APBB2: variants seen among roughly 807,000 people sequenced by gnomAD.
APBB2 encodes the protein amyloid beta precursor protein binding family B member 2, also known as Fe65-like 1.
In APBB2, 38 loss-of-function variants were observed where a neutral mutation model predicts 82.5. That is an observed-to-expected ratio of 0.46 (90% confidence interval 0.36 to 0.60). APBB2 has a LOEUF of 0.60. Among genes scored for constraint, APBB2 ranks in the 20% least tolerant of loss-of-function variants. The pLI, the probability that APBB2 is intolerant of heterozygous loss-of-function variation, is 0.00. For synonymous variants in APBB2, 341 were observed against 368.2 expected (o/e 0.93, Z 0.85); for missense variants, 772 against 972.3 (o/e 0.79, Z 2.74).
At chr4:40,992,485 C>A (rs1291193759) in intron 6 of APBB2, among the ~76,000 whole-genome samples, 2 of 152,020 alleles carry the variant, frequency 1.3e-5, no homozygotes, top group Admixed American at 6.6e-5. Flanking sequence ...ATTGACACAG[C>A]TTTTTAGTTC....
At position 40,993,952 on chromosome 4, in the gene APBB2, G is replaced by A. The variant is rs143808096; in HGVS notation, c.835+19631C>T. Among the ~76,000 whole-genome samples the A allele has an allele frequency of 2.7e-3, 410 of 152,140 alleles. 1 individual carries two copies. The highest frequency in any genetic ancestry group is 9.0e-3 in the African/African-American group (372 of 41,496). On this transcript the variant is annotated intron_variant, in intron 6 of 17. Coordinates refer to ENST00000508593, the MANE Select transcript of APBB2 (RefSeq NM_004307.2). ...CCTGAGACCCACTACCTGCGTCTGA[G>A]TCTGTAAGGCACAGGTAGGGCCCAG...
intron 10 of APBB2, among the ~76,000 whole-genome samples, chr4:40,923,811 G>A (rs181034452): frequency 1.3e-5 from 2 of 152,330 alleles, no homozygotes; most frequent in East Asian, 3.9e-4. Context: ...CTCACACACG[G>A]CTGCCAATTC....
rs942652354 is a variant in APBB2, at chr4:41,070,526, TC to T, written c.-148-4854del. Among the ~76,000 whole-genome samples, 14 of 152,284 alleles carry T rather than the reference TC, an allele frequency of 9.2e-5. No individual in the cohort carries two copies. In the East Asian group the frequency reaches 1.4e-3, roughly 15 times the overall value. ...CACATTGGCCAGGTTGGTCTTGAGCTCCTGACCTCAAGCGATCCACCCGCCT... is the reference window on the plus strand; with the variant it reads ...CACATTGGCCAGGTTGGTCTTGAGCTCTGACCTCAAGCGATCCACCCGCCT... On this transcript the variant is annotated intron_variant, in intron 3 of 17. Coordinates refer to ENST00000508593, the MANE Select transcript of APBB2 (RefSeq NM_004307.2).
chr4:40,984,809 G>A (rs1799980746), intron 6 of APBB2, among the ~76,000 whole-genome samples: 1 of 152,162 alleles, frequency 6.6e-6, no homozygotes, highest in Non-Finnish European at 1.5e-5. Flanking sequence ...GTTGTGGGGA[G>A]TACATGAAAT....
intron 1 of APBB2, among the ~76,000 whole-genome samples, chr4:41,179,366 T>TA (rs1770716384): frequency 1.3e-5 from 2 of 152,168 alleles, no homozygotes; most frequent in South Asian, 4.1e-4. Flanking sequence ...AACATATATA[T>TA]CAATTTAAAA....
intron 12 of APBB2, among the ~76,000 whole-genome samples, chr4:40,834,072 G>A (rs1241171539): frequency 1.3e-5 from 2 of 152,004 alleles, no homozygotes; most frequent in Non-Finnish European, 2.9e-5. Context: ...TCCCCAGGGA[G>A]AAACTCAGCA....
intron 10 of APBB2, among the ~76,000 whole-genome samples, chr4:40,926,251 A>G (rs1008266211): frequency 1.3e-5 from 2 of 152,192 alleles, no homozygotes; most frequent in African/African-American, 4.8e-5. Flanking sequence ...ACAGAAATGC[A>G]ATTTCATGTC....
chr4:41,000,010 A>G (rs1804691351), intron 6 of APBB2, among the ~76,000 whole-genome samples: 1 of 142,070 alleles, frequency 7.0e-6, no homozygotes, highest in Admixed American at 7.0e-5. Context: ...AAAACCCCGT[A>G]TTTACAAAAA....
At chr4:41,148,323 T>A (rs1761347066) in intron 1 of APBB2, among the ~76,000 whole-genome samples, 1 of 152,242 alleles carries the variant, frequency 6.6e-6, no homozygotes, top group African/African-American at 2.4e-5. Flanking sequence ...ATTTAGAGGT[T>A]GTGGTTCCAG....
chr4:41,000,210 C>A (rs1462030931), intron 6 of APBB2, among the ~76,000 whole-genome samples: 1 of 151,282 alleles, frequency 6.6e-6, no homozygotes, highest in Non-Finnish European at 1.5e-5. Context: ...TGCAGTGAAC[C>A]GTGATTACGC....
chr4:41,006,284 C>A (rs1005962479), intron 6 of APBB2, among the ~76,000 whole-genome samples: 3 of 152,138 alleles, frequency 2.0e-5, no homozygotes, highest in African/African-American at 7.2e-5. Context: ...CATGCCTAAA[C>A]TATTTTGGAA....
intron 3 of APBB2, among the ~76,000 whole-genome samples, chr4:41,090,084 C>T (rs1741175526): frequency 6.6e-6 from 1 of 152,114 alleles, no homozygotes; most frequent in Non-Finnish European, 1.5e-5. Flanking sequence ...ATATGAATAT[C>T]TCCTTTGATT....
At chr4:40,866,629 T>C (rs1578077414) in intron 12 of APBB2, among the ~76,000 whole-genome samples, 1 of 152,218 alleles carries the variant, frequency 6.6e-6, no homozygotes, top group East Asian at 1.9e-4. Context: ...AAAAACATCA[T>C]ATATGGTTGC....
At position 41,014,272 on chromosome 4, in the gene APBB2, A is replaced by C; in HGVS notation, c.146T>G (p.Leu49Trp). The change falls in exon 6 of 18, where the codon TTG (leucine) becomes TGG (tryptophan). Residue 49 changes from leucine (L) to tryptophan (W), a missense_variant. Physicochemically the swap from Leu to Trp is moderately conservative, Grantham distance 61. Coordinates refer to ENST00000508593, the MANE Select transcript of APBB2 (RefSeq NM_004307.2). Reference protein sequence around the residue: ...LNLRSSHNELLNAEIKHTETK... With the variant: ...LNLRSSHNELWNAEIKHTETK... ...TTCTGTGTGTTTTATTTCAGCGTTC[A>C]ACAGTTCATTGTGGGAGGATCGGAG... 1 of 1,614,154 alleles carries C rather than the reference A, an allele frequency of 6.2e-7. No individual in the cohort carries two copies. The highest frequency in any genetic ancestry group is 1.3e-5 in the African/African-American group (1 of 75,024).
chr4:40,908,440 G>T (rs143463913), intron 10 of APBB2, among the ~76,000 whole-genome samples: 1 of 152,264 alleles, frequency 6.6e-6, no homozygotes, highest in East Asian at 1.9e-4. Context: ...ACCGCGCCTT[G>T]CTGCCTCCTA....
At chr4:41,157,195 A>C (rs1188430224) in intron 1 of APBB2, among the ~76,000 whole-genome samples, 1 of 152,114 alleles carries the variant, frequency 6.6e-6, no homozygotes, top group Non-Finnish European at 1.5e-5. Flanking sequence ...ATCGTCTTGC[A>C]CACCTGCTGC....
intron 6 of APBB2, among the ~76,000 whole-genome samples, chr4:40,992,360 A>ATG (rs1553899601): frequency 1.1e-4 from 2 of 18,330 alleles, no homozygotes; most frequent in East Asian, 2.8e-3. Context: ...TTTGGTAGAG[A>ATG]TGGGGGGGGG....
In APBB2 at chr4:41,091,305, C is replaced by T. The variant is rs138139488; in HGVS notation, c.-149+9334G>A. The stretch of plus-strand genomic sequence containing the variant: ...TGTTTAAAATGCAATACAGTTTTTG[C>T]TCCAACCTCCACTTCTGCACGTCCA... On this transcript the variant is annotated intron_variant, in intron 3 of 17. Transcript: ENST00000508593. Among the ~76,000 whole-genome samples the T allele has an allele frequency of 7.9e-5, 12 of 152,244 alleles. No homozygotes were observed. In the East Asian group the frequency reaches 1.5e-3, roughly 20 times the overall value.
chr4:40,990,740 A>G lies in APBB2; in HGVS notation c.835+22843T>C, dbSNP rs186864522. Among the ~76,000 whole-genome samples the G allele has an allele frequency of 6.8e-3, 1,033 of 152,288 alleles. 3 individuals carry two copies. The highest frequency in any genetic ancestry group is 7.6e-3 in the Non-Finnish European group (518 of 68,018). On this transcript the variant is annotated intron_variant, in intron 6 of 17. Transcript: ENST00000508593. ...GCAAAGTAACACAGATTAAACAGTGATTCATTTCATACCAAACTGCATCCA... is the reference window on the plus strand; with the variant it reads ...GCAAAGTAACACAGATTAAACAGTGGTTCATTTCATACCAAACTGCATCCA...
Sources: allele counts gnomAD v4.1 joint callset (sites outside exome capture counted in the v4.1 genomes callset), GRCh38; gene constraint gnomAD v4.1.1; transcripts MANE v1.5; gene names NCBI Gene and HGNC (gene_info 2026-07-23, HGNC 2026-07-21).